The following PLCB4 variants were observed in gnomAD, a reference collection of about 807,000 sequenced individuals.
PLCB4 encodes phospholipase C beta 4, also known as 1-phosphatidylinositol 4,5-bisphosphate phosphodiesterase beta-4.
A neutral mutation model predicts 178.8 loss-of-function variants in PLCB4; 77 were observed. The ratio of observed to expected loss-of-function variants is 0.43; its 90% CI spans 0.36 to 0.52. The LOEUF (loss-of-function observed/expected upper bound fraction) is 0.52. Ranked by LOEUF, PLCB4 falls within the 20% of genes least tolerant of loss-of-function variation. The probability of loss-of-function intolerance (pLI) is 0.00; values close to 1 mark genes in which losing one functional copy is unlikely to be tolerated. For synonymous variants in PLCB4, 496 were observed against 490.8 expected, an observed-to-expected ratio of 1.01 and a Z score of -0.14; for missense variants, 1,024 against 1,453.4, an observed-to-expected ratio of 0.70 and a Z score of 4.80.
chr20:9,395,247 A>G (rs2038478634), intron 18 of PLCB4, among the ~76,000 whole-genome samples: 1 of 152,114 alleles, frequency 6.6e-6, no homozygotes, highest in African/African-American at 2.4e-5. Flanking sequence ...ACCTCCTCTC[A>G]AACTTGGTGA....
At chr20:9,190,852 C>G (rs558606199) in intron 2 of PLCB4, among the ~76,000 whole-genome samples, 2 of 152,282 alleles carry the variant, frequency 1.3e-5, no homozygotes, top group East Asian at 3.9e-4. Flanking sequence ...GACCCTGAAG[C>G]TCATGGAGCT....
In PLCB4 at chr20:9,310,446, T is replaced by C. The variant is rs567402431; in HGVS notation, c.84+2548T>C. ...AAGAAAGCAGCTGGGCACAGTGTCT[T>C]ATGCCTGTAATCCCAGCACTTTGGG... On this transcript the variant is annotated intron_variant, in intron 4 of 39. Transcript: ENST00000378473. 1.4e-4 allele frequency among the ~76,000 whole-genome samples: 22 copies of C among 152,224 alleles called. 1 individual carries two copies. The highest frequency in any genetic ancestry group is 1.2e-3 in the Admixed American group (18 of 15,268).
chr20:9,198,052 T>G (rs2093494868), intron 2 of PLCB4, among the ~76,000 whole-genome samples: 1 of 152,064 alleles, frequency 6.6e-6, no homozygotes, highest in South Asian at 2.1e-4. Context: ...CTGAGAACCA[T>G]TGTCATTTCT....
intron 2 of PLCB4, among the ~76,000 whole-genome samples, chr20:9,163,974 G>A (rs868003375): frequency 4.6e-5 from 7 of 152,158 alleles, no homozygotes; most frequent in East Asian, 3.8e-4. Flanking sequence ...ACTATTTTGC[G>A]TGAGTCATCC....
chr20:9,116,380 G>A (rs1035887296), intron 2 of PLCB4, among the ~76,000 whole-genome samples: 1 of 152,018 alleles, frequency 6.6e-6, no homozygotes, highest in Non-Finnish European at 1.5e-5. Flanking sequence ...TATACATTGT[G>A]CATGTACATA....
At chr20:9,265,455 C>G (rs147127701) in intron 3 of PLCB4, among the ~76,000 whole-genome samples, 1,775 of 152,196 alleles carry the variant, frequency 0.012, 45 homozygotes, top group African/African-American at 0.041. Flanking sequence ...TGCACTCCAG[C>G]CTGGGCAAAA....
intron 26 of PLCB4, among the ~76,000 whole-genome samples, chr20:9,420,809 A>G (rs1418560339): frequency 6.6e-6 from 1 of 152,192 alleles, no homozygotes; most frequent in Non-Finnish European, 1.5e-5. Flanking sequence ...CTAACATTAT[A>G]AAACTGTCCT....
chr20:9,176,639 C>G (rs1289573821), intron 2 of PLCB4, among the ~76,000 whole-genome samples: 1 of 151,968 alleles, frequency 6.6e-6, no homozygotes, highest in East Asian at 1.9e-4. Context: ...TATGAAGAAG[C>G]ACCAGTTTTC....
At chr20:9,154,237 C>T (rs192582519) in intron 2 of PLCB4, among the ~76,000 whole-genome samples, 1 of 152,156 alleles carries the variant, frequency 6.6e-6, no homozygotes, top group African/African-American at 2.4e-5. Context: ...CCATATAACA[C>T]TTTAAAAAAA....
At chr20:9,192,738 C>T (rs1260696204) in intron 2 of PLCB4, among the ~76,000 whole-genome samples, 1 of 151,168 alleles carries the variant, frequency 6.6e-6, no homozygotes, top group South Asian at 2.1e-4. Flanking sequence ...TTGCTTGAGC[C>T]TGGGAGGTTG....
intron 3 of PLCB4, among the ~76,000 whole-genome samples, chr20:9,287,778 T>C (rs989304399): frequency 1.6e-4 from 25 of 152,250 alleles, no homozygotes; most frequent in Admixed American, 4.6e-4. Context: ...GCAGAAGAGA[T>C]GGGAACTTTC....
At chr20:9,146,341 C>T (rs562851411) in intron 2 of PLCB4, among the ~76,000 whole-genome samples, 2 of 152,110 alleles carry the variant, frequency 1.3e-5, no homozygotes, top group East Asian at 3.9e-4. Context: ...GCTCATGGCC[C>T]ATTTGATGGT....
At chr20:9,368,029 G>T (rs931806132) in intron 9 of PLCB4, among the ~76,000 whole-genome samples, 1 of 152,140 alleles carries the variant, frequency 6.6e-6, no homozygotes, top group Non-Finnish European at 1.5e-5. Context: ...GCTGCCAAGA[G>T]TTAGTTGGAA....
At chr20:9,380,985 T>G (rs35138479) in intron 13 of PLCB4, among the ~76,000 whole-genome samples, 9,512 of 152,228 alleles carry the variant, frequency 0.062, 338 homozygotes, top group African/African-American at 0.08. Context: ...ATGGTCTGTA[T>G]GTTATCTGGA....
chr20:9,470,420 A>G (rs1262705501), intron 36 of PLCB4, among the ~76,000 whole-genome samples: 1 of 152,192 alleles, frequency 6.6e-6, no homozygotes, highest in South Asian at 2.1e-4. Context: ...CATGGAAATG[A>G]CACCTTCTTC....
intron 24 of PLCB4, among the ~76,000 whole-genome samples, chr20:9,410,813 G>T (rs955039984): frequency 6.6e-6 from 1 of 152,176 alleles, no homozygotes; most frequent in African/African-American, 2.4e-5. Flanking sequence ...GTGACCTTTA[G>T]CATGATCTTT....
At chr20:9,338,744 A>G (rs567236294) in intron 6 of PLCB4, 150 bp from the exon 7 acceptor site, 1 of 614,732 alleles carries the variant, frequency 1.6e-6, no homozygotes, top group South Asian at 2.2e-5. Flanking sequence ...TAGTGTTACA[A>G]ATTTCACCTC....
chr20:9,117,427 T>G (rs2091818032), intron 2 of PLCB4, among the ~76,000 whole-genome samples: 1 of 152,164 alleles, frequency 6.6e-6, no homozygotes, highest in African/African-American at 2.4e-5. Flanking sequence ...ACCACATTGA[T>G]TTGAATGATG....
chr20:9,219,352 C>T (rs1245633811), intron 3 of PLCB4, among the ~76,000 whole-genome samples: 3 of 152,036 alleles, frequency 2.0e-5, no homozygotes, highest in African/African-American at 4.8e-5. Flanking sequence ...GCCTGTAGTC[C>T]CAGCTACTCA....
Sources: allele counts gnomAD v4.1 joint callset (sites outside exome capture counted in the v4.1 genomes callset), GRCh38; gene constraint gnomAD v4.1.1; transcripts MANE v1.5; gene names NCBI Gene and HGNC (gene_info 2026-07-23, HGNC 2026-07-21).